CAPN13: variants seen among roughly 807,000 people sequenced by gnomAD.
CAPN13 encodes the protein calpain-13.
Under a neutral mutation model 98.4 loss-of-function variants are expected in CAPN13, and 90 were observed. The observed-to-expected ratio is 0.92, with a 90% CI of 0.77 to 1.09. The LOEUF (loss-of-function observed/expected upper bound fraction) is 1.09. Among genes scored for constraint, CAPN13 ranks in the 50% least tolerant of loss-of-function variants. The probability of loss-of-function intolerance (pLI) is 0.00; values close to 1 mark genes in which losing one functional copy is unlikely to be tolerated. For missense variants in CAPN13, 887 were observed against 841.3 expected (o/e 1.05, Z -0.67); for synonymous variants, 330 against 305.5 (o/e 1.08, Z -0.84).
chr2:30,741,920 T>C lies in CAPN13; in HGVS notation c.1524A>G (p.Arg508=). The change falls in exon 15 of 23, where the codon AGA becomes AGG. Residue 508 remains arginine (R), a synonymous_variant. Coordinates refer to ENST00000295055, the MANE Select transcript of CAPN13 (RefSeq NM_144575.3). ...EHGSQQSIFN[R]YAQQRLDIDA... ...CTAGGTACCATACCTGCTGAGCATA[T>C]CTGTTGAAAATGCTTTGTTGGGAGC... 6.2e-7 allele frequency: 1 copy of C among 1,613,852 alleles called. No individual in the cohort carries two copies. Among genetic ancestry groups the C allele is most frequent in the Non-Finnish European group, 8.5e-7 (1 of 1,179,862 alleles).
Position 30,738,461 on chromosome 2 carries a change from A to T in CAPN13, c.1537-4T>A. On this transcript the variant is annotated splice_polypyrimidine_tract_variant and splice_region_variant and intron_variant, in intron 15 of 22. Transcript: ENST00000295055. ...GGGTGGCATCAATGTCCAGCCTCTG[A>T]TCCAAACAAGGAAGGAATGCAGGAA... The T allele has an allele frequency of 6.2e-7, 1 of 1,601,576 alleles. No homozygotes were observed. Among genetic ancestry groups the T allele is most frequent in the Non-Finnish European group, 8.5e-7 (1 of 1,173,760 alleles).
chr2:30,734,052 A>G (rs1210008698), intron 19 of CAPN13, among the ~76,000 whole-genome samples: 1 of 151,832 alleles, frequency 6.6e-6, no homozygotes, highest in Non-Finnish European at 1.5e-5. Flanking sequence ...TTAGCCCCAA[A>G]CTCTCTGTGA....
chr2:30,781,928 CT>C (rs1353223699), intron 2 of CAPN13, among the ~76,000 whole-genome samples: 3 of 151,982 alleles, frequency 2.0e-5, no homozygotes, highest in African/African-American at 7.3e-5. Context: ...ATTAATGATT[CT>C]TTTTCTCTGG....
intron 5 of CAPN13, 98 bp from the exon 6 acceptor site, chr2:30,764,404 G>A: frequency 7.4e-7 from 1 of 1,350,782 alleles, no homozygotes; most frequent in Non-Finnish European, 1.0e-6. Flanking sequence ...CCCAGGTAAG[G>A]GGCTGCCTGG....
At chr2:30,791,443 T>G (rs1310135139) in intron 1 of CAPN13, among the ~76,000 whole-genome samples, 2 of 152,196 alleles carry the variant, frequency 1.3e-5, no homozygotes, top group East Asian at 3.9e-4. Flanking sequence ...CTTGAGTGTG[T>G]TCTGTGAAGC....
chr2:30,766,574 G>T (rs531855604), intron 5 of CAPN13, among the ~76,000 whole-genome samples: 1 of 152,320 alleles, frequency 6.6e-6, no homozygotes, highest in Non-Finnish European at 1.5e-5. Context: ...AGAGAGAACT[G>T]TGTTCACCGC....
At chr2:30,743,248 G>A in intron 13 of CAPN13, 135 bp downstream of exon 13, 4 of 804,158 alleles carry the variant, frequency 5.0e-6, no homozygotes, top group Non-Finnish European at 8.4e-6. Flanking sequence ...AGCTGCTCTA[G>A]AGTGGGGCCA....
chr2:30,800,585 A>G (rs1675212738), intron 1 of CAPN13, among the ~76,000 whole-genome samples: 1 of 152,224 alleles, frequency 6.6e-6, no homozygotes, highest in Non-Finnish European at 1.5e-5. Flanking sequence ...TGGAACACTA[A>G]GGAGGTTGGT....
chr2:30,738,113 A>G (rs1671466891), intron 17 of CAPN13, 122 bp downstream of exon 17: 2 of 984,628 alleles, frequency 2.0e-6, no homozygotes, highest in Admixed American at 4.0e-5. Flanking sequence ...AAACTCAAGG[A>G]CAGGGAAGAA....
chr2:30,738,001 A>C, intron 17 of CAPN13: 1 of 508,308 alleles, frequency 2.0e-6, no homozygotes, highest in East Asian at 3.5e-5. Context: ...ACACACACAC[A>C]CACACCCCAG....
At chr2:30,803,696 C>T (rs1488579433) in intron 1 of CAPN13, among the ~76,000 whole-genome samples, 3 of 152,132 alleles carry the variant, frequency 2.0e-5, no homozygotes, top group East Asian at 1.9e-4. Context: ...CCAGAGAGGG[C>T]GGCAGTGGGC....
intron 22 of CAPN13, among the ~76,000 whole-genome samples, chr2:30,730,233 T>G (rs1004212293): frequency 4.6e-5 from 7 of 152,132 alleles, no homozygotes; most frequent in African/African-American, 1.7e-4. Flanking sequence ...GGAAATGACG[T>G]GAGTGTTAAT....
chr2:30,732,307 C>T lies in CAPN13; in HGVS notation c.1927+131G>A, dbSNP rs1007651548. 9 of 1,145,044 alleles carry T rather than the reference C, an allele frequency of 7.9e-6. No homozygotes were observed. The Admixed American group carries it at 2.0e-4, about 25-fold the overall frequency. 70.9% of individuals were successfully genotyped at this position (1,145,044 alleles called of 1,614,324 possible). On this transcript the variant is annotated intron_variant, in intron 20 of 22. Transcript: ENST00000295055. The stretch of plus-strand genomic sequence containing the variant: ...CCATCTACAGCCTCGGTTGGCACCT[C>T]ACACAGGCTGCTGGCCCACCCTGCT...
chr2:30,760,020 C>A (rs1672758787), intron 7 of CAPN13, among the ~76,000 whole-genome samples: 1 of 152,208 alleles, frequency 6.6e-6, no homozygotes, highest in Non-Finnish European at 1.5e-5. Flanking sequence ...GAGGCACGAA[C>A]CCAGGTTTTC....
chr2:30,787,190 A>T lies in CAPN13; in HGVS notation c.136T>A (p.Ser46Thr), dbSNP rs1674333367. 1 of 1,599,752 alleles carries T rather than the reference A, an allele frequency of 6.3e-7. No homozygotes were observed. Among genetic ancestry groups the T allele is most frequent in the East Asian group, 2.3e-5 (1 of 44,428 alleles). ...TCCTGGAGCAGCTTCTGGCCTATGG[A>T]AGAATCTGCTGCAGGGAATGTCTCA... ...KDETFPAADS[S>T]IGQKLLQEKR... Residue 46 changes from serine to threonine, a missense_variant, in exon 2 of 23, where the codon TCC (serine) becomes ACC (threonine). Transcript: ENST00000295055.
Position 30,760,804 on chromosome 2 carries a change from G to GCGAGGC in CAPN13, c.774+2272_774+2277dup, listed in dbSNP as rs1430650943. On this transcript the variant is annotated intron_variant, in intron 7 of 22. Transcript: ENST00000295055. ...TGGTCTGGGGGAGCAGGGGTCACAC[G>GCGAGGC]CGAGGCCAAGGCCATGGCTACACCT... is the stretch of plus-strand genomic sequence containing the variant. Among the ~76,000 whole-genome samples the GCGAGGC allele has an allele frequency of 5.3e-5, 8 of 152,274 alleles. No individual in the cohort carries two copies. In the East Asian group the frequency reaches 9.7e-4, roughly 18 times the overall value.
At position 30,754,335 on chromosome 2, in the gene CAPN13, G is replaced by T. The variant is rs369616026; in HGVS notation, c.896C>A (p.Pro299Gln). The T allele has an allele frequency of 6.2e-7, 1 of 1,605,434 alleles. No homozygotes were observed. Among genetic ancestry groups the T allele is most frequent in the Admixed American group, 1.7e-5 (1 of 58,428 alleles). Residue 299 changes from proline to glutamine, a missense_variant, in exon 9 of 23, where the codon CCG becomes CAG. Pro to Gln is a moderately conservative substitution (Grantham distance 76). Transcript: ENST00000295055. Reference protein sequence around the residue: ...GSQEWEETCDPRKSQLHKKRE... With the variant: ...GSQEWEETCDQRKSQLHKKRE... ...TTTCTTATGTAGCTGGCTTTTCCGC[G>T]GATCACAGGTTTCCTCCCACTCCTG... is the stretch of plus-strand genomic sequence containing the variant.
chr2:30,751,014 A>T (rs1012740716), intron 11 of CAPN13, 89 bp downstream of exon 11: 10 of 1,442,378 alleles, frequency 6.9e-6, no homozygotes, highest in Non-Finnish European at 9.5e-6. Context: ...GGTGCAGTCA[A>T]ATCTCCCAGC....
intron 22 of CAPN13, among the ~76,000 whole-genome samples, chr2:30,723,805 C>A (rs1257197319): frequency 6.6e-6 from 1 of 152,296 alleles, no homozygotes; most frequent in African/African-American, 2.4e-5. Flanking sequence ...TTCTTCCCTG[C>A]CTCCCTCCAC....
Sources: allele counts gnomAD v4.1 joint callset (sites outside exome capture counted in the v4.1 genomes callset), GRCh38; gene constraint gnomAD v4.1.1; transcripts MANE v1.5; gene names NCBI Gene and HGNC (gene_info 2026-07-23, HGNC 2026-07-21).